SHTN1: variants seen among roughly 807,000 people sequenced by gnomAD.
The protein encoded by SHTN1 is shootin 1, also known as shootin-1.
Under a neutral mutation model 83.1 loss-of-function variants are expected in SHTN1, and 42 were observed. That is an observed-to-expected ratio of 0.51 (90% confidence interval 0.39 to 0.65). SHTN1 has a LOEUF of 0.65. Among genes scored for constraint, SHTN1 ranks in the 30% least tolerant of loss-of-function variants. The probability of loss-of-function intolerance (pLI) is 0.00; values close to 1 mark genes in which losing one functional copy is unlikely to be tolerated. For synonymous variants in SHTN1, 224 were observed against 247.7 expected, an observed-to-expected ratio of 0.90 and a Z score of 0.90; for missense variants, 622 against 737.8, an observed-to-expected ratio of 0.84 and a Z score of 1.82.
At chr10:117,074,741 G>A (rs1265895801) in intron 1 of SHTN1, among the ~76,000 whole-genome samples, 1 of 152,176 alleles carries the variant, frequency 6.6e-6, no homozygotes, top group African/African-American at 2.4e-5. Flanking sequence ...GCAGCAGTAG[G>A]CAGGGCAGGA....
At chr10:116,952,848 C>T (rs975964376) in intron 5 of SHTN1, among the ~76,000 whole-genome samples, 7 of 152,194 alleles carry the variant, frequency 4.6e-5, no homozygotes, top group African/African-American at 1.7e-4. Context: ...AAACTTTTTA[C>T]ATAAACTCAG....
chr10:116,950,004 T>G (rs1849718241), intron 6 of SHTN1, among the ~76,000 whole-genome samples: 1 of 152,158 alleles, frequency 6.6e-6, no homozygotes, highest in Non-Finnish European at 1.5e-5. Flanking sequence ...AACATGTAAA[T>G]ATATGCACTG....
chr10:116,915,519 T>TG, intron 12 of SHTN1, 35 bp from the exon 13 acceptor site: 7 of 1,242,518 alleles, frequency 5.6e-6, no homozygotes, highest in Non-Finnish European at 8.2e-6. Context: ...TCCTCTTATG[T>TG]TACAAGAAAA....
intron 2 of SHTN1, among the ~76,000 whole-genome samples, chr10:116,971,227 C>G (rs1041073089): frequency 3.3e-5 from 5 of 152,114 alleles, no homozygotes; most frequent in African/African-American, 1.2e-4. Flanking sequence ...ATCCCCCACC[C>G]AGTCAAAATG....
At chr10:117,065,851 AGGAAAGGAG>A (rs1852990280) in intron 1 of SHTN1, among the ~76,000 whole-genome samples, 1 of 67,336 alleles carries the variant, frequency 1.5e-5, no homozygotes, top group African/African-American at 5.9e-5. Context: ...GAAGGAAGGA[AGGAAAGGAG>A]GGAGGGAGGG....
intron 2 of SHTN1, among the ~76,000 whole-genome samples, chr10:116,969,462 G>A (rs1235798990): frequency 2.6e-5 from 4 of 152,038 alleles, no homozygotes; most frequent in Non-Finnish European, 5.9e-5. Context: ...TACTGCATGA[G>A]GGCAAAAGGC....
chr10:116,969,045 A>G (rs566386070), intron 2 of SHTN1, among the ~76,000 whole-genome samples: 1 of 152,348 alleles, frequency 6.6e-6, no homozygotes, highest in African/African-American at 2.4e-5. Flanking sequence ...ATGTTTGGCT[A>G]ATGCTGTACA....
chr10:116,892,047 A>G (rs1847356009), intron 16 of SHTN1, among the ~76,000 whole-genome samples: 1 of 152,300 alleles, frequency 6.6e-6, no homozygotes, highest in South Asian at 2.1e-4. Flanking sequence ...TTTGCTCTCA[A>G]CATGAACAAG....
intron 2 of SHTN1, among the ~76,000 whole-genome samples, chr10:117,017,591 T>C (rs1852198707): frequency 6.6e-6 from 1 of 152,050 alleles, no homozygotes; most frequent in Non-Finnish European, 1.5e-5. Context: ...AATAAATGAT[T>C]AAGTAGAAAA....
At chr10:117,103,844 C>CT (rs1221469783) in intron 1 of SHTN1, among the ~76,000 whole-genome samples, 2 of 152,030 alleles carry the variant, frequency 1.3e-5, no homozygotes, top group Non-Finnish European at 1.5e-5. Flanking sequence ...CCAATGTTTT[C>CT]TTTTTTTAAC....
chr10:116,980,534 T>C (rs1399798662), intron 1 of SHTN1, among the ~76,000 whole-genome samples: 1 of 149,918 alleles, frequency 6.7e-6, no homozygotes, highest in African/African-American at 2.5e-5. Context: ...TTTTGCTTTA[T>C]GGATTTATCT....
At chr10:117,031,535 T>C (rs1488061527) in intron 2 of SHTN1, among the ~76,000 whole-genome samples, 1 of 152,110 alleles carries the variant, frequency 6.6e-6, no homozygotes, top group Admixed American at 6.6e-5. Flanking sequence ...TCAAAAATAA[T>C]AACTACAAAT....
chr10:116,888,592 C>A (rs1265280616), intron 16 of SHTN1, among the ~76,000 whole-genome samples: 1 of 152,168 alleles, frequency 6.6e-6, no homozygotes, highest in Non-Finnish European at 1.5e-5. Context: ...GCAAGACAAT[C>A]TGCAGAATAA....
At chr10:116,940,635 T>G in intron 8 of SHTN1, 23 bp from the exon 9 acceptor site, 1 of 1,565,420 alleles carries the variant, frequency 6.4e-7, no homozygotes. Flanking sequence ...GTTACAAGAA[T>G]GTATATATCA....
chr10:116,893,576 G>GTGCACACACACACACACACACA (rs1554905666), intron 16 of SHTN1, among the ~76,000 whole-genome samples: 4 of 123,524 alleles, frequency 3.2e-5, no homozygotes, highest in African/African-American at 9.5e-5. Flanking sequence ...GCACTCATGT[G>GTGCACACACACACACACACACA]CACACACACA....
chr10:117,099,246 G>A (rs564723515), intron 1 of SHTN1, among the ~76,000 whole-genome samples: 2 of 152,150 alleles, frequency 1.3e-5, no homozygotes, highest in South Asian at 2.1e-4. Context: ...GAGGTAAGGA[G>A]GGGTGAGAGA....
chr10:117,110,354 T>C (rs1026076247), intron 1 of SHTN1, among the ~76,000 whole-genome samples: 2 of 152,144 alleles, frequency 1.3e-5, no homozygotes, highest in Non-Finnish European at 2.9e-5. Flanking sequence ...TGTTTTGTTT[T>C]TGTTTTTGTT....
chr10:117,112,808 G>A (rs759241750), intron 1 of SHTN1, among the ~76,000 whole-genome samples: 7 of 152,160 alleles, frequency 4.6e-5, no homozygotes, highest in Non-Finnish European at 1.0e-4. Context: ...GTAACTAGAC[G>A]AAGAGCTCTA....
At chr10:117,043,692 A>T (rs1171908112) in intron 2 of SHTN1, among the ~76,000 whole-genome samples, 1 of 151,824 alleles carries the variant, frequency 6.6e-6, no homozygotes, top group African/African-American at 2.4e-5. Flanking sequence ...AATGTAAAAC[A>T]TTAGCCAGGC....
Sources: allele counts gnomAD v4.1 joint callset (sites outside exome capture counted in the v4.1 genomes callset), GRCh38; gene constraint gnomAD v4.1.1; transcripts MANE v1.5; gene names NCBI Gene and HGNC (gene_info 2026-07-23, HGNC 2026-07-21).